Variants in AMBRA1 observed in about 807,000 individuals in gnomAD.
The protein encoded by AMBRA1 is activating molecule in BECN1-regulated autophagy protein 1.
A neutral mutation model predicts 125.4 loss-of-function variants in AMBRA1; 47 were observed. That is an observed-to-expected ratio of 0.37 (90% CI 0.30 to 0.48). The LOEUF (loss-of-function observed/expected upper bound fraction) is 0.48, where lower values mean the gene tolerates loss of function less well. AMBRA1 is among the 20% of genes least tolerant of loss of function. AMBRA1 has a pLI of 0.99. For synonymous variants in AMBRA1, 626 were observed against 655.5 expected (o/e 0.95, Z 0.69); for missense variants, 1,331 against 1,693.4 (o/e 0.79, Z 3.76).
chr11:46,481,477 C>T (rs1027780717), intron 11 of AMBRA1, among the ~76,000 whole-genome samples: 1 of 152,176 alleles, frequency 6.6e-6, no homozygotes, highest in African/African-American at 2.4e-5. Context: ...GATTCTCCTG[C>T]CTCAGCCTCC....
intron 11 of AMBRA1, among the ~76,000 whole-genome samples, chr11:46,475,513 A>G (rs191988539): frequency 4.6e-5 from 7 of 152,328 alleles, no homozygotes; most frequent in African/African-American, 1.2e-4. Flanking sequence ...CTCCCATCAC[A>G]GACTATCCAA....
chr11:46,463,333 G>A (rs1949180680), intron 11 of AMBRA1, among the ~76,000 whole-genome samples: 1 of 152,146 alleles, frequency 6.6e-6, no homozygotes, highest in Non-Finnish European at 1.5e-5. Context: ...TACATTATTA[G>A]TAGGTGCCTC....
At chr11:46,585,695 A>AAATATATATATATAT (rs1555017410) in intron 1 of AMBRA1, among the ~76,000 whole-genome samples, 2 of 22,916 alleles carry the variant, frequency 8.7e-5, no homozygotes, top group Non-Finnish European at 1.6e-4. Context: ...AAAAAAAAAA[A>AAATATATATATATAT]ATATATATAT....
At chr11:46,589,797 AT>A (rs1450948774) in intron 1 of AMBRA1, among the ~76,000 whole-genome samples, 1 of 151,200 alleles carries the variant, frequency 6.6e-6, no homozygotes, top group African/African-American at 2.4e-5. Flanking sequence ...TTTTTTTTGT[AT>A]TTTTTAGTAG....
At chr11:46,591,788 A>G (rs2044605540) in intron 1 of AMBRA1, among the ~76,000 whole-genome samples, 1 of 151,322 alleles carries the variant, frequency 6.6e-6, no homozygotes, top group South Asian at 2.1e-4. Context: ...TGGGAGGCGG[A>G]GAAGTTTGCA....
intron 11 of AMBRA1, among the ~76,000 whole-genome samples, chr11:46,484,804 C>G (rs1950207909): frequency 6.6e-6 from 1 of 151,908 alleles, no homozygotes; most frequent in South Asian, 2.1e-4. Context: ...GCCACCACAC[C>G]AGGCTAATTT....
In AMBRA1 at chr11:46,547,188, G is replaced by C; in HGVS notation, c.303C>G (p.Val101=). The C allele has an allele frequency of 6.2e-7, 1 of 1,614,190 alleles. No individual in the cohort carries two copies. The highest frequency in any genetic ancestry group is 1.7e-5 in the Admixed American group (1 of 60,018). ...GGCCTGAGATGGTGGGATGAAAAGT[G>C]ACACACCATGGAGTACGGCGGTGTC... ...LIGHRRTPWC[V]TFHPTISGLI... is the part of the protein sequence containing the mutation. Residue 101 remains valine (V), a synonymous_variant, in exon 4 of 18, where the codon GTC becomes GTG. Coordinates refer to ENST00000683756, the MANE Select transcript of AMBRA1 (RefSeq NM_001387011.1).
chr11:46,588,100 A>C (rs2044466636), intron 1 of AMBRA1, among the ~76,000 whole-genome samples: 1 of 152,224 alleles, frequency 6.6e-6, no homozygotes, highest in South Asian at 2.1e-4. Flanking sequence ...TGACAGGCCA[A>C]GTTGGGCAGA....
Position 46,397,719 on chromosome 11 carries a change from T to C in AMBRA1, c.3628A>G (p.Thr1210Ala). The C allele has an allele frequency of 6.2e-7, 1 of 1,611,558 alleles. No individual in the cohort carries two copies. Among genetic ancestry groups the C allele is most frequent in the East Asian group, 2.2e-5 (1 of 44,816 alleles). Residue 1210 changes from threonine to alanine, a missense_variant, in exon 18 of 18, where the codon ACC becomes GCC. Physicochemically the swap from Thr to Ala is moderately conservative, Grantham distance 58. Transcript: ENST00000683756. ...AAHTSSPQPS[T>A]SRGLLPEAGQ... ...GCCTCTGGGAGCAGTCCCCGAGAGG[T>C]GGAGGGCTGGGGTGAGGAGGTGTGG...
intron 12 of AMBRA1, among the ~76,000 whole-genome samples, chr11:46,440,307 A>G (rs994119488): frequency 2.6e-4 from 40 of 152,234 alleles, no homozygotes; most frequent in African/African-American, 9.4e-4. Flanking sequence ...TACTGTAAAG[A>G]AAAAGGGCAG....
intron 9 of AMBRA1, among the ~76,000 whole-genome samples, chr11:46,502,090 G>A (rs1296600656): frequency 2.0e-5 from 3 of 150,498 alleles, no homozygotes; most frequent in East Asian, 3.9e-4. Flanking sequence ...CTTTTTTTTT[G>A]TTTTAATTTT....
At chr11:46,525,676 G>A (rs1439952967) in intron 7 of AMBRA1, among the ~76,000 whole-genome samples, 6 of 151,974 alleles carry the variant, frequency 3.9e-5, no homozygotes, top group African/African-American at 7.2e-5. Flanking sequence ...ATTTGAATCC[G>A]GGAGGCGGAA....
intron 15 of AMBRA1, among the ~76,000 whole-genome samples, chr11:46,412,243 A>C (rs774435398): frequency 5.3e-5 from 8 of 152,174 alleles, no homozygotes; most frequent in Non-Finnish European, 7.3e-5. Context: ...TGTATACTTA[A>C]AATCATCTCT....
At chr11:46,573,332 G>A (rs570593359) in intron 1 of AMBRA1, among the ~76,000 whole-genome samples, 1,915 of 151,802 alleles carry the variant, frequency 0.013, 44 homozygotes, top group African/African-American at 0.044. Context: ...GGAACCCGGA[G>A]GGCAGAGGTT....
chr11:46,503,839 T>A (rs1950931984), intron 9 of AMBRA1, among the ~76,000 whole-genome samples: 1 of 152,224 alleles, frequency 6.6e-6, no homozygotes, highest in African/African-American at 2.4e-5. Context: ...AAATTGTGAA[T>A]AAGAGACTTC....
At chr11:46,455,941 G>C (rs1172252456) in intron 11 of AMBRA1, among the ~76,000 whole-genome samples, 1 of 152,202 alleles carries the variant, frequency 6.6e-6, no homozygotes, top group Non-Finnish European at 1.5e-5. Flanking sequence ...GGTAGAGAAA[G>C]AGGGTGAGGC....
At chr11:46,442,346 TTGG>T (rs1225251581) in intron 12 of AMBRA1, among the ~76,000 whole-genome samples, 1 of 152,084 alleles carries the variant, frequency 6.6e-6, no homozygotes, top group African/African-American at 2.4e-5. Context: ...TTTCATCATG[TTGG>T]CCAGGCTGGT....
intron 11 of AMBRA1, among the ~76,000 whole-genome samples, chr11:46,444,225 T>A (rs1303657688): frequency 2.0e-5 from 3 of 152,224 alleles, no homozygotes; most frequent in Non-Finnish European, 2.9e-5. Context: ...GAGCCTCACT[T>A]TGTAGCATCA....
At chr11:46,566,814 T>C (rs2043549276) in intron 1 of AMBRA1, among the ~76,000 whole-genome samples, 1 of 152,176 alleles carries the variant, frequency 6.6e-6, no homozygotes, top group African/African-American at 2.4e-5. Context: ...GGGAGAAATT[T>C]AGTTTACAGT....
Sources: gnomAD v4.1 joint callset for allele counts (sites outside exome capture counted in the v4.1 genomes callset) on GRCh38, gnomAD v4.1.1 for gene constraint, MANE v1.5 for transcripts, NCBI Gene and HGNC (gene_info 2026-07-23, HGNC 2026-07-21) for gene names.